Variants in LEPROTL1 observed in about 807,000 individuals in gnomAD.
LEPROTL1 encodes leptin receptor overlapping transcript like 1.
LEPROTL1 carries 6 observed loss-of-function variants against 15.4 expected under a neutral mutation model. The ratio of observed to expected loss-of-function variants is 0.39; its 90% CI spans 0.21 to 0.77. The LOEUF is 0.77. Ranked by LOEUF, LEPROTL1 falls within the 30% of genes least tolerant of loss-of-function variation. The probability of loss-of-function intolerance (pLI) is 0.41; values close to 1 mark genes in which losing one functional copy is unlikely to be tolerated. For missense variants in LEPROTL1, 128 were observed against 158.1 expected (o/e 0.81, Z 1.02); for synonymous variants, 56 against 52.6 (o/e 1.06, Z -0.28).
At chr8:30,122,136 C>T (rs1390896231) in intron 3 of LEPROTL1, among the ~76,000 whole-genome samples, 2 of 151,272 alleles carry the variant, frequency 1.3e-5, no homozygotes, top group African/African-American at 4.9e-5. Flanking sequence ...CACTGCACTC[C>T]AGCCTGGGCA....
At chr8:30,132,516 CCA>C in intron 4 of LEPROTL1, 1 of 1,551,730 alleles carries the variant, frequency 6.4e-7, no homozygotes, top group Non-Finnish European at 8.7e-7. Flanking sequence ...CAGCTGTGGT[CCA>C]CACGACATAG....
Position 30,106,638 on chromosome 8 carries a change from T to C in LEPROTL1, c.*776T>C, listed in dbSNP as rs1802573692. 2 of 983,008 alleles carry C rather than the reference T, an allele frequency of 2.0e-6. No individual in the cohort carries two copies. The highest frequency in any genetic ancestry group is 1.7e-5 in the African/African-American group (1 of 57,186). 60.9% of individuals were successfully genotyped at this position (983,008 alleles called of 1,614,324 possible). On this transcript the variant is annotated 3_prime_UTR_variant, in exon 4 of 4. Coordinates refer to ENST00000321250, the MANE Select transcript of LEPROTL1 (RefSeq NM_015344.3). ...TATGTTTATTATTGTTAGAGTGAGT[T>C]GCAATGTGGGAAGAAATGACATTGA... is the stretch of plus-strand genomic sequence containing the variant.
intron 3 of LEPROTL1, among the ~76,000 whole-genome samples, chr8:30,130,391 G>T (rs1360756371): frequency 6.6e-6 from 1 of 152,204 alleles, no homozygotes; most frequent in Non-Finnish European, 1.5e-5. Flanking sequence ...AATTAAAGTT[G>T]ACTAAAGAAA....
intron 3 of LEPROTL1, among the ~76,000 whole-genome samples, chr8:30,130,576 G>A (rs1056368695): frequency 6.6e-6 from 1 of 152,088 alleles, no homozygotes; most frequent in Admixed American, 6.6e-5. Flanking sequence ...AAGAAAAAAA[G>A]AATCAAACCC....
intron 3 of LEPROTL1, among the ~76,000 whole-genome samples, chr8:30,127,328 A>T (rs185439002): frequency 6.6e-6 from 1 of 152,226 alleles, no homozygotes; most frequent in Admixed American, 6.5e-5. Context: ...TCCCCTGGGG[A>T]CCTGAAAGAG....
chr8:30,134,339 C>T (rs1275978548), intron 4 of LEPROTL1, among the ~76,000 whole-genome samples: 1 of 151,812 alleles, frequency 6.6e-6, no homozygotes, highest in African/African-American at 2.4e-5. Flanking sequence ...AGGAGAGTCA[C>T]TGGAACCTGG....
chr8:30,101,209 G>T (rs1802459912), intron 1 of LEPROTL1, among the ~76,000 whole-genome samples: 1 of 152,162 alleles, frequency 6.6e-6, no homozygotes, highest in Admixed American at 6.5e-5. Flanking sequence ...ACTTGAGCAT[G>T]TGGAGTTTCT....
downstream of LEPROTL1, among the ~76,000 whole-genome samples, chr8:30,111,348 TTAAA>T (rs1472831869): frequency 2.6e-5 from 4 of 152,222 alleles, no homozygotes; most frequent in African/African-American, 7.2e-5. Context: ...ATTATTTAAA[TTAAA>T]TAATTTATTA....
In LEPROTL1 at chr8:30,107,001, C is replaced by G. The variant is rs973414644; in HGVS notation, c.*1139C>G. 2 of 984,260 alleles carry G rather than the reference C, an allele frequency of 2.0e-6. No homozygotes were observed. Among genetic ancestry groups the G allele is most frequent in the Non-Finnish European group, 2.4e-6 (2 of 828,758 alleles). The allele number at this position is 984,260 out of a possible 1,614,324, so 61.0% of individuals were successfully genotyped here. On this transcript the variant is annotated 3_prime_UTR_variant, in exon 4 of 4. Coordinates refer to ENST00000321250, the MANE Select transcript of LEPROTL1 (RefSeq NM_015344.3). ...ATTAACAAGTAACTTGTTAGTCTTA[C>G]AGATAATTCATGCATTAACAGTTTA...
chr8:30,116,293 C>T (rs1342135881), intron 3 of LEPROTL1, among the ~76,000 whole-genome samples: 1 of 152,002 alleles, frequency 6.6e-6, no homozygotes, highest in African/African-American at 2.4e-5. Flanking sequence ...CTCATAACAT[C>T]TTTGCAGTTT....
At chr8:30,137,483 C>T (rs1803174863) in exon 5 of LEPROTL1, 1 of 1,551,652 alleles carries the variant, frequency 6.4e-7, no homozygotes, top group Non-Finnish European at 8.7e-7. Context: ...CTGCTTTGCC[C>T]TCCCTCTCAG....
downstream of LEPROTL1, among the ~76,000 whole-genome samples, chr8:30,111,409 T>C (rs1357329278): frequency 6.6e-6 from 1 of 152,206 alleles, no homozygotes; most frequent in Non-Finnish European, 1.5e-5. Flanking sequence ...CAAAAATATA[T>C]ACATTTAAAA....
At position 30,132,553 on chromosome 8, in the gene LEPROTL1, G is replaced by T. The variant is rs752092925; in HGVS notation, c.394+64G>T. 11 of 1,551,580 alleles carry T rather than the reference G, an allele frequency of 7.1e-6. No homozygotes were observed. The South Asian group carries it at 1.1e-4, about 15-fold the overall frequency. The stretch of plus-strand genomic sequence containing the variant: ...GATGCACTCGAATTGCTGGCAATCA[G>T]TCAGTCCCGCTCCTGCATCCACCAC... On this transcript the variant is annotated intron_variant, in intron 4 of 4. Coordinates refer to the LEPROTL1 transcript ENST00000442880.
chr8:30,127,998 T>C (rs1781123383), intron 3 of LEPROTL1, among the ~76,000 whole-genome samples: 1 of 151,990 alleles, frequency 6.6e-6, no homozygotes, highest in Non-Finnish European at 1.5e-5. Flanking sequence ...ATAGGGAAAC[T>C]GTTGCCAAAT....
Position 30,125,435 on chromosome 8 carries a change from A to C in LEPROTL1, c.280-6940A>C, listed in dbSNP as rs562782170. ...TTGTTCTTTTTATACAATAGAAAAC[A>C]AATGGAAGGAATATAATAGGAAATG... On this transcript the variant is annotated intron_variant, in intron 3 of 4. Coordinates refer to the LEPROTL1 transcript ENST00000442880. Among the ~76,000 whole-genome samples, 25 of 152,354 alleles carry C rather than the reference A, an allele frequency of 1.6e-4. No individual in the cohort carries two copies. The South Asian group carries it at 3.3e-3, about 20-fold the overall frequency.
chr8:30,100,299 G>A (rs1306654999), intron 1 of LEPROTL1, among the ~76,000 whole-genome samples: 1 of 151,994 alleles, frequency 6.6e-6, no homozygotes, highest in Admixed American at 6.6e-5. Context: ...CCTTTGTTTT[G>A]GTAACTTTTA....
chr8:30,130,780 A>AT (rs1347893720), intron 3 of LEPROTL1, among the ~76,000 whole-genome samples: 1,734 of 106,382 alleles, frequency 0.016, 13 homozygotes, highest in South Asian at 0.032. Context: ...TTCAAAAAAA[A>AT]ATTTTTTTTT....
chr8:30,106,350 C>T lies in LEPROTL1; in HGVS notation c.*488C>T. 1.0e-6 allele frequency: 1 copy of T among 986,346 alleles called. No homozygotes were observed. The highest frequency in any genetic ancestry group is 1.2e-6 in the Non-Finnish European group (1 of 830,296). The allele number at this position is 986,346 out of a possible 1,614,324, so 61.1% of individuals were successfully genotyped here. ...GGATGACATCACTCCCAATGTTATG[C>T]AGACATACAGACGGTTGGCATACGT... is the stretch of plus-strand genomic sequence containing the variant. On this transcript the variant is annotated 3_prime_UTR_variant, in exon 4 of 4. Coordinates refer to ENST00000321250, the MANE Select transcript of LEPROTL1 (RefSeq NM_015344.3).
chr8:30,114,439 C>A (rs1398421481), intron 3 of LEPROTL1, among the ~76,000 whole-genome samples: 3 of 151,826 alleles, frequency 2.0e-5, no homozygotes, highest in African/African-American at 7.3e-5. Context: ...TACAGGCGCC[C>A]ACCAGCACAC....
Sources: allele counts gnomAD v4.1 joint callset (sites outside exome capture counted in the v4.1 genomes callset), GRCh38; gene constraint gnomAD v4.1.1; transcripts MANE v1.5; gene names NCBI Gene and HGNC (gene_info 2026-07-23, HGNC 2026-07-21).